The following CFAP20DC variants were observed in gnomAD, a reference collection of about 807,000 sequenced individuals.
CFAP20DC encodes CFAP20 domain containing, also known as protein CFAP20DC.
Under a neutral mutation model 101.7 loss-of-function variants are expected in CFAP20DC, and 84 were observed. The observed-to-expected ratio is 0.83, with a 90% CI of 0.69 to 0.99. The LOEUF (loss-of-function observed/expected upper bound fraction) is 0.99, where lower values mean the gene tolerates loss of function less well. Among genes scored for constraint, CFAP20DC ranks in the 50% least tolerant of loss-of-function variants. The pLI, the probability that CFAP20DC is intolerant of heterozygous loss-of-function variation, is 0.00. For missense variants in CFAP20DC, 1,007 were observed against 970.3 expected (o/e 1.04, Z -0.50); for synonymous variants, 359 against 351.2 (o/e 1.02, Z -0.25).
intron 6 of CFAP20DC, among the ~76,000 whole-genome samples, chr3:58,893,817 G>C (rs149109048): frequency 6.6e-6 from 1 of 151,126 alleles, no homozygotes; most frequent in African/African-American, 2.4e-5. Context: ...GTATTAGTCT[G>C]TTTTCATGCT....
Position 58,913,528 on chromosome 3 carries a change from TCAG to T in CFAP20DC, c.550+177_550+179del. The T allele has an allele frequency of 1.6e-6, 1 of 639,696 alleles. No individual in the cohort carries two copies. The allele number at this position is 639,696 out of a possible 1,614,324, so 39.6% of individuals were successfully genotyped here. A position where few individuals can be genotyped will look rare whatever the true frequency, so the allele number is the denominator to read the frequency against. On this transcript the variant is annotated intron_variant, in intron 6 of 16. Transcript: ENST00000482387. The surrounding 1 kb of genome is among the most constrained non-coding windows in gnomAD (Gnocchi z 4.4). ...AAGATTAATACCTTTTTTGTGACAT[TCAG>T]CTATAGTAAAAATAAACATTTGATC... is the stretch of plus-strand genomic sequence containing the variant.
intron 4 of CFAP20DC, among the ~76,000 whole-genome samples, chr3:58,999,830 G>C (rs1272178486): frequency 6.8e-6 from 1 of 146,656 alleles, no homozygotes; most frequent in Admixed American, 6.8e-5. Context: ...GAGCCAAAAG[G>C]GAGTCACTAA....
At chr3:58,730,025 A>G (rs1277102124) in intron 3 of CFAP20DC, among the ~76,000 whole-genome samples, 2 of 150,530 alleles carry the variant, frequency 1.3e-5, no homozygotes, top group Non-Finnish European at 2.9e-5. Flanking sequence ...CTCCAAAAAA[A>G]AAAAAAAAAA....
chr3:58,758,156 G>T (rs1259929340), intron 15 of CFAP20DC, among the ~76,000 whole-genome samples: 1 of 151,978 alleles, frequency 6.6e-6, no homozygotes, highest in East Asian at 1.9e-4. Context: ...TGTTTGTTTT[G>T]TTTTTTATTT....
At chr3:58,898,463 C>T (rs1189417732) in intron 6 of CFAP20DC, among the ~76,000 whole-genome samples, 1 of 152,202 alleles carries the variant, frequency 6.6e-6, no homozygotes, top group African/African-American at 2.4e-5. Context: ...GTGTTAGCCA[C>T]TGTAACTGGC....
In CFAP20DC at chr3:59,014,292, G is replaced by T. The variant is rs1262030425; in HGVS notation, c.278+25265C>A. On this transcript the variant is annotated intron_variant, in intron 4 of 16. Transcript: ENST00000482387. The surrounding 1 kb of genome is among the most constrained non-coding windows in gnomAD (Gnocchi z 4.9). ...ATTTCCATCTGTATGCAAAACTGTT[G>T]CAGGAAGAAATGTATCATAAAACAT... Among the ~76,000 whole-genome samples the T allele has an allele frequency of 2.0e-5, 3 of 152,116 alleles. No individual in the cohort carries two copies. Among genetic ancestry groups the T allele is most frequent in the African/African-American group, 7.2e-5 (3 of 41,420 alleles).
intron 15 of CFAP20DC, among the ~76,000 whole-genome samples, chr3:58,801,724 G>A (rs899177274): frequency 1.4e-4 from 21 of 152,066 alleles, no homozygotes; most frequent in African/African-American, 3.9e-4. Flanking sequence ...CTGAGCCAGC[G>A]GGAACTGAGG....
chr3:58,741,249 G>A, downstream of CFAP20DC, among the ~76,000 whole-genome samples: 1 of 152,008 alleles, frequency 6.6e-6, no homozygotes, highest in East Asian at 1.9e-4. Flanking sequence ...TATTAATATA[G>A]TTGGCACACA....
intron 4 of CFAP20DC, chr3:58,970,716 C>T (rs1440469640): frequency 2.6e-5 from 4 of 152,042 alleles, no homozygotes; most frequent in Non-Finnish European, 4.4e-5. Context: ...AATTTCCTCC[C>T]CTATAAATTG....
At chr3:58,727,609 G>A (rs1420682392) in intron 3 of CFAP20DC, 5 of 152,146 alleles carry the variant, frequency 3.3e-5, no homozygotes, top group African/African-American at 9.7e-5. Context: ...GCTAATTTTT[G>A]TATTTTTTCA....
At chr3:58,865,295 C>T (rs1300815293) in intron 11 of CFAP20DC, among the ~76,000 whole-genome samples, 1 of 152,108 alleles carries the variant, frequency 6.6e-6, no homozygotes, top group Non-Finnish European at 1.5e-5. Flanking sequence ...CCATAAAAAT[C>T]TTTAATAAAA....
intron 15 of CFAP20DC, among the ~76,000 whole-genome samples, chr3:58,766,711 T>A (rs539624436): frequency 6.6e-6 from 1 of 152,184 alleles, no homozygotes; most frequent in African/African-American, 2.4e-5. Flanking sequence ...CAATGTTCCA[T>A]CACACTCCCT....
chr3:58,883,071 G>C (rs1226427775), intron 7 of CFAP20DC, among the ~76,000 whole-genome samples: 1 of 152,192 alleles, frequency 6.6e-6, no homozygotes, highest in Non-Finnish European at 1.5e-5. Context: ...TAAGTATAGA[G>C]AATAAAATGA....
At position 59,009,738 on chromosome 3, in the gene CFAP20DC, T is replaced by C. The variant is rs1228191399; in HGVS notation, c.278+29819A>G. Among the ~76,000 whole-genome samples, 3 of 152,128 alleles carry C rather than the reference T, an allele frequency of 2.0e-5. No homozygotes were observed. The South Asian group carries it at 6.2e-4, about 32-fold the overall frequency. On this transcript the variant is annotated intron_variant, in intron 4 of 16. Transcript: ENST00000482387. ...GCTCAAAGAACTCTGGGGAAATTCA[T>C]AGCACAAAGATCATCACCTAGGCAC...
At chr3:58,836,460 C>T (rs1265125426) in intron 13 of CFAP20DC, among the ~76,000 whole-genome samples, 1 of 152,084 alleles carries the variant, frequency 6.6e-6, no homozygotes, top group African/African-American at 2.4e-5. Context: ...AGATAGGAAC[C>T]AGTTCTGCTA....
At chr3:58,888,894 G>A (rs2106704519) in intron 6 of CFAP20DC, among the ~76,000 whole-genome samples, 1 of 151,968 alleles carries the variant, frequency 6.6e-6, no homozygotes, top group Middle Eastern at 3.4e-3. Flanking sequence ...TCACCACGCT[G>A]TCTTCCATGA....
chr3:58,905,670 A>C (rs1053992092), intron 6 of CFAP20DC, among the ~76,000 whole-genome samples: 3 of 152,212 alleles, frequency 2.0e-5, no homozygotes, highest in Non-Finnish European at 4.4e-5. Context: ...AAGTAATCCA[A>C]GGACAATAAA....
chr3:58,994,334 A>G (rs554151303), intron 4 of CFAP20DC, among the ~76,000 whole-genome samples: 256 of 152,260 alleles, frequency 1.7e-3, no homozygotes, highest in Non-Finnish European at 2.4e-3. Flanking sequence ...TTCATTACAG[A>G]TGGCTAAGGC....
intron 3 of CFAP20DC, chr3:58,726,437 T>C (rs1393352245): frequency 6.5e-6 from 1 of 153,068 alleles, no homozygotes; most frequent in African/African-American, 2.4e-5. Context: ...AATGATAAAG[T>C]CTTTAAGCCA....
Sources: allele counts gnomAD v4.1 joint callset (sites outside exome capture counted in the v4.1 genomes callset), GRCh38; gene constraint gnomAD v4.1.1; non-coding constraint Gnocchi (gnomAD v3.1); transcripts MANE v1.5; gene names NCBI Gene and HGNC (gene_info 2026-07-23, HGNC 2026-07-21).